Variants in TBC1D22A observed in about 807,000 individuals in gnomAD.
TBC1D22A encodes TBC1 domain family member 22A.
TBC1D22A carries 38 observed loss-of-function variants against 60.2 expected under a neutral mutation model. The observed-to-expected ratio is 0.63, with a 90% confidence interval of 0.49 to 0.83. The LOEUF is 0.83. Ranked by LOEUF, TBC1D22A falls within the 40% of genes least tolerant of loss-of-function variation. The pLI is 0.00. For synonymous variants in TBC1D22A, 302 were observed against 281.7 expected, an observed-to-expected ratio of 1.07 and a Z score of -0.72; for missense variants, 628 against 701.0, an observed-to-expected ratio of 0.90 and a Z score of 1.18.
intron 4 of TBC1D22A, among the ~76,000 whole-genome samples, chr22:46,817,384 C>G (rs2085649145): frequency 6.6e-6 from 1 of 151,946 alleles, no homozygotes; most frequent in South Asian, 2.1e-4. Flanking sequence ...CACCTGTTGA[C>G]CTGTCCTCTA....
chr22:47,069,240 C>A (rs561485109), intron 11 of TBC1D22A, among the ~76,000 whole-genome samples: 1 of 152,348 alleles, frequency 6.6e-6, no homozygotes, highest in African/African-American at 2.4e-5. Context: ...GTAGACCAAA[C>A]TGAAAAATGT....
rs573043145 is a variant in TBC1D22A, at chr22:46,897,549, G to A, written c.900+2703G>A. On this transcript the variant is annotated intron_variant, in intron 7 of 12. Coordinates refer to ENST00000337137, the MANE Select transcript of TBC1D22A (RefSeq NM_014346.5). ...GTACTTTCAGTTTTTCATCTGCCAC[G>A]CAGAAGAGGGGTGGATTGTGAAGGC... 7.6e-4 allele frequency among the ~76,000 whole-genome samples: 113 copies of A among 147,880 alleles called. 1 individual carries two copies. Among genetic ancestry groups the A allele is most frequent in the African/African-American group, 2.8e-3 (105 of 38,052 alleles).
chr22:46,968,465 C>T (rs566386870), intron 8 of TBC1D22A, among the ~76,000 whole-genome samples: 1 of 152,318 alleles, frequency 6.6e-6, no homozygotes, highest in Non-Finnish European at 1.5e-5. Context: ...CACACTAGTG[C>T]TTTGTCAGTT....
intron 8 of TBC1D22A, among the ~76,000 whole-genome samples, chr22:46,951,583 C>T (rs1216564291): frequency 1.3e-5 from 2 of 152,210 alleles, no homozygotes; most frequent in Admixed American, 6.5e-5. Flanking sequence ...CCGGCGCCAT[C>T]TTGGAGCCCT....
At chr22:47,053,734 A>G (rs908624198) in intron 11 of TBC1D22A, among the ~76,000 whole-genome samples, 5 of 152,228 alleles carry the variant, frequency 3.3e-5, no homozygotes, top group African/African-American at 1.2e-4. Flanking sequence ...TGACAACATC[A>G]CATTCACTGG....
At chr22:47,153,873 G>A (rs758770673) in intron 12 of TBC1D22A, among the ~76,000 whole-genome samples, 8 of 152,176 alleles carry the variant, frequency 5.3e-5, no homozygotes, top group Non-Finnish European at 7.3e-5. Context: ...CAGGGGTGAC[G>A]ATGAGTCCCG....
At chr22:46,790,621 A>G (rs2084364548) in intron 1 of TBC1D22A, among the ~76,000 whole-genome samples, 1 of 152,234 alleles carries the variant, frequency 6.6e-6, no homozygotes, top group South Asian at 2.1e-4. Flanking sequence ...CAGACAATTT[A>G]CAAAAAGAAG....
intron 11 of TBC1D22A, among the ~76,000 whole-genome samples, chr22:47,110,635 A>T (rs7290104): frequency 6.6e-6 from 1 of 152,154 alleles, no homozygotes; most frequent in African/African-American, 2.4e-5. Context: ...TGTTTTCTCC[A>T]TAGCACATCA....
In TBC1D22A at chr22:46,929,928, G is replaced by A. The variant is rs1448691093; in HGVS notation, c.1015+17740G>A. ...GCTCCTCAGCCCCTATGTGTGTGTG[G>A]ACCCCTTTGGGAGGCAGCAGTAGAG... On this transcript the variant is annotated intron_variant, in intron 8 of 12. Coordinates refer to ENST00000337137, the MANE Select transcript of TBC1D22A (RefSeq NM_014346.5). 3.3e-5 allele frequency among the ~76,000 whole-genome samples: 5 copies of A among 152,150 alleles called. 1 individual carries two copies. The highest frequency in any genetic ancestry group is 3.9e-4 in the East Asian group (2 of 5,186).
intron 7 of TBC1D22A, among the ~76,000 whole-genome samples, chr22:46,907,656 A>G (rs1472618620): frequency 3.9e-5 from 6 of 152,124 alleles, no homozygotes; most frequent in Admixed American, 3.9e-4. Context: ...ACCTCCATTT[A>G]GCCACAAAGA....
At chr22:46,905,969 G>A (rs1349097057) in intron 7 of TBC1D22A, among the ~76,000 whole-genome samples, 2 of 152,196 alleles carry the variant, frequency 1.3e-5, no homozygotes, top group East Asian at 3.9e-4. Flanking sequence ...GTGTTGGTGG[G>A]ATGGCTGCCC....
In TBC1D22A at chr22:47,070,059, TCCCTGTTGTTTGGTTGGACGCTGTC is replaced by T. The variant is rs1219253313; in HGVS notation, c.1329+32880_1329+32904del. Among the ~76,000 whole-genome samples, 103 of 133,928 alleles carry T rather than the reference TCCCTGTTGTTTGGTTGGACGCTGTC, an allele frequency of 7.7e-4. 18 individuals are homozygous for T. The highest frequency in any genetic ancestry group is 1.7e-3 in the African/African-American group (54 of 31,366). 87.9% of individuals were successfully genotyped at this position (133,928 alleles called of 152,430 possible). On this transcript the variant is annotated intron_variant, in intron 11 of 12. Transcript: ENST00000337137. ...AGCTGACCTGATGGTTCCAGGCTGT[TCCCTGTTGTTTGGTTGGACGCTGTC>T]CCCTGTTGTTTGGTTGGAGCGGAGC...
chr22:47,012,035 T>G (rs531047642), intron 10 of TBC1D22A, among the ~76,000 whole-genome samples: 1 of 152,142 alleles, frequency 6.6e-6, no homozygotes, highest in East Asian at 1.9e-4. Flanking sequence ...CCCAGCTGAT[T>G]CTGCACACCC....
intron 5 of TBC1D22A, among the ~76,000 whole-genome samples, chr22:46,879,550 G>C (rs190059219): frequency 6.6e-6 from 1 of 152,106 alleles, no homozygotes; most frequent in African/African-American, 2.4e-5. Flanking sequence ...TTAGTACCTC[G>C]TAATCCTAAA....
At chr22:47,112,100 G>A (rs184401895) in intron 12 of TBC1D22A, among the ~76,000 whole-genome samples, 13 of 152,342 alleles carry the variant, frequency 8.5e-5, no homozygotes, top group Admixed American at 2.6e-4. Flanking sequence ...AGCCCTCCTC[G>A]CATGCCACGC....
intron 11 of TBC1D22A, among the ~76,000 whole-genome samples, chr22:47,039,704 G>GA (rs34793078): frequency 0.043 from 3,500 of 81,322 alleles, 228 homozygotes; most frequent in African/African-American, 0.13. Context: ...TGCATTTCAG[G>GA]AAAAAAAAAA....
chr22:46,904,135 CTAT>C (rs1569199568), intron 7 of TBC1D22A, among the ~76,000 whole-genome samples: 55 of 110,700 alleles, frequency 5.0e-4, no homozygotes, highest in Non-Finnish European at 7.6e-4. Context: ...ATCTATCTAT[CTAT>C]CTATCTACCT....
rs2068639382 is a variant in TBC1D22A, at chr22:47,175,159, A to G, written c.*1533A>G. 1 of 152,292 alleles carries G rather than the reference A, an allele frequency of 6.6e-6. No homozygotes were observed. The highest frequency in any genetic ancestry group is 2.4e-5 in the African/African-American group (1 of 41,460). The allele number at this position is 152,292 out of a possible 1,614,324, so 9.4% of individuals were successfully genotyped here. On this transcript the variant is annotated 3_prime_UTR_variant, in exon 13 of 13. Transcript: ENST00000337137. ...TGTTTTAAAAATCCAGGGTCATTAC[A>G]CACAGCATGGAAATTAGCACAAAAT...
At chr22:46,845,986 G>A (rs751180928) in intron 4 of TBC1D22A, among the ~76,000 whole-genome samples, 2 of 152,246 alleles carry the variant, frequency 1.3e-5, no homozygotes, top group African/African-American at 2.4e-5. Flanking sequence ...CTGTGGGAGG[G>A]CTGGGATGTT....
Sources: gnomAD v4.1 joint callset for allele counts (sites outside exome capture counted in the v4.1 genomes callset) on GRCh38, gnomAD v4.1.1 for gene constraint, MANE v1.5 for transcripts, NCBI Gene and HGNC (gene_info 2026-07-23, HGNC 2026-07-21) for gene names.